PHACTR3: variants seen among roughly 807,000 people sequenced by gnomAD.
PHACTR3 encodes the protein protein phosphatase 1, regulatory subunit 123.
A neutral mutation model predicts 66.8 loss-of-function variants in PHACTR3; 16 were observed. The ratio of observed to expected loss-of-function variants is 0.24; its 90% CI spans 0.16 to 0.36. The LOEUF is 0.36. PHACTR3 is among the 10% of genes least tolerant of loss of function. The pLI, the probability that PHACTR3 is intolerant of heterozygous loss-of-function variation, is 1.00. For synonymous variants in PHACTR3, 323 were observed against 292.1 expected, an observed-to-expected ratio of 1.11 and a Z score of -1.08; for missense variants, 647 against 719.9, an observed-to-expected ratio of 0.90 and a Z score of 1.16.
chr20:59,817,667 G>T (rs573212389), intron 8 of PHACTR3, among the ~76,000 whole-genome samples: 1 of 152,230 alleles, frequency 6.6e-6, no homozygotes, highest in African/African-American at 2.4e-5. Flanking sequence ...TGCTCAAGAG[G>T]GCAGCTGTCA....
chr20:59,727,550 A>G (rs1274498809), intron 1 of PHACTR3, among the ~76,000 whole-genome samples: 2 of 151,970 alleles, frequency 1.3e-5, no homozygotes, highest in Admixed American at 1.3e-4. Context: ...GCAGGTTTGA[A>G]TCTTGAGAAT....
At chr20:59,648,882 A>C (rs2035371313) in intron 1 of PHACTR3, among the ~76,000 whole-genome samples, 1 of 152,188 alleles carries the variant, frequency 6.6e-6, no homozygotes, top group Non-Finnish European at 1.5e-5. Context: ...AGGGACTGGG[A>C]CAGCTTGGCA....
chr20:59,823,130 G>T (rs1051311759), intron 8 of PHACTR3, among the ~76,000 whole-genome samples: 5 of 152,188 alleles, frequency 3.3e-5, no homozygotes, highest in Non-Finnish European at 7.3e-5. Context: ...GGAGCATTAC[G>T]TATTCTTTCC....
chr20:59,841,452 A>C lies in PHACTR3; in HGVS notation c.1504A>C (p.Ser502Arg). 6.2e-7 allele frequency: 1 copy of C among 1,613,754 alleles called. No homozygotes were observed. Among genetic ancestry groups the C allele is most frequent in the East Asian group, 2.2e-5 (1 of 44,874 alleles). ...LRDRKILIRFSDYVEVAKAQD... is the reference protein window; with the variant it reads ...LRDRKILIRFRDYVEVAKAQD... ...AGACAGAAAAATTCTGATACGATTC[A>C]GTGATTACGTGGAAGTAGCAAAAGC... The change falls in exon 11 of 13, where the codon AGT (serine) becomes CGT (arginine). Residue 502 changes from serine to arginine, a missense_variant. Physicochemically the swap from Ser to Arg is moderately radical, Grantham distance 110 (BLOSUM62 -1). This residue lies in a region of PHACTR3 where 70 missense variants were observed against 148.8 expected (regional missense o/e 0.47). Transcript: ENST00000371015.
At chr20:59,733,637 G>T (rs1339062202) in intron 1 of PHACTR3, among the ~76,000 whole-genome samples, 2 of 152,188 alleles carry the variant, frequency 1.3e-5, no homozygotes, top group Non-Finnish European at 2.9e-5. Flanking sequence ...GTGGGGTTAA[G>T]ATCAGGGCTT....
In PHACTR3 at chr20:59,648,715, A is replaced by G. The variant is rs1039008303; in HGVS notation, c.118+43583A>G. On this transcript the variant is annotated intron_variant, in intron 1 of 12. Coordinates refer to ENST00000371015, the MANE Select transcript of PHACTR3 (RefSeq NM_080672.5). ...CTGCTCAGCAACATCCATCACTGCCATGTCCTTTTGGCACTAATTAAAGAG... is the reference window on the plus strand; with the variant it reads ...CTGCTCAGCAACATCCATCACTGCCGTGTCCTTTTGGCACTAATTAAAGAG... Among the ~76,000 whole-genome samples the G allele has an allele frequency of 2.3e-4, 35 of 152,312 alleles. 1 individual carries two copies. Among genetic ancestry groups the G allele is most frequent in the African/African-American group, 7.7e-4 (32 of 41,558 alleles).
intron 8 of PHACTR3, among the ~76,000 whole-genome samples, chr20:59,834,067 G>T (rs1394215115): frequency 2.0e-5 from 3 of 152,054 alleles, no homozygotes; most frequent in Non-Finnish European, 4.4e-5. Context: ...TACTTATTAG[G>T]ACTCCACGTT....
chr20:59,598,117 G>A (rs941163009), intron 1 of PHACTR3, among the ~76,000 whole-genome samples: 2 of 152,064 alleles, frequency 1.3e-5, no homozygotes, highest in Non-Finnish European at 2.9e-5. Context: ...GGGGCCAGTG[G>A]GGCTGCTTTC....
intron 5 of PHACTR3, 95 bp downstream of exon 5, chr20:59,767,490 T>C (rs1209436638): frequency 3.7e-6 from 5 of 1,344,728 alleles, no homozygotes; most frequent in African/African-American, 1.4e-5. Flanking sequence ...ATCTATCTAT[T>C]TATTCACCCA....
At chr20:59,728,740 T>A (rs2038654775) in intron 1 of PHACTR3, among the ~76,000 whole-genome samples, 1 of 152,106 alleles carries the variant, frequency 6.6e-6, no homozygotes, top group African/African-American at 2.4e-5. Flanking sequence ...CATTAATTCA[T>A]TCCCTGATTC....
chr20:59,704,562 CTTT>C (rs11331156), intron 1 of PHACTR3, among the ~76,000 whole-genome samples: 1,119 of 89,476 alleles, frequency 0.013, 11 homozygotes, highest in African/African-American at 0.044. Context: ...TGAGAATAGT[CTTT>C]TTTTTTTTTT....
intron 7 of PHACTR3, among the ~76,000 whole-genome samples, chr20:59,785,509 G>GAGGAGAAAC (rs1568820059): frequency 1.3e-5 from 2 of 152,234 alleles, no homozygotes; most frequent in Non-Finnish European, 2.9e-5. Context: ...GAGCTGGGGA[G>GAGGAGAAAC]TGGGGATGGT....
At chr20:59,636,717 A>T (rs1245055807) in intron 1 of PHACTR3, among the ~76,000 whole-genome samples, 1 of 152,200 alleles carries the variant, frequency 6.6e-6, no homozygotes, top group Non-Finnish European at 1.5e-5. Context: ...CCCTGGCATA[A>T]TTCCTATACT....
chr20:59,766,005 T>A (rs1162027197), intron 4 of PHACTR3, among the ~76,000 whole-genome samples: 2 of 152,044 alleles, frequency 1.3e-5, no homozygotes, highest in Non-Finnish European at 2.9e-5. Context: ...AGTGAGGGAG[T>A]GCTGGTCCCA....
At chr20:59,609,295 A>G (rs2033776364) in intron 1 of PHACTR3, among the ~76,000 whole-genome samples, 1 of 151,586 alleles carries the variant, frequency 6.6e-6, no homozygotes, top group Non-Finnish European at 1.5e-5. Context: ...CTTTTATGCC[A>G]CTCTGCCAGC....
At chr20:59,836,219 G>A in intron 8 of PHACTR3, 1 of 402,458 alleles carries the variant, frequency 2.5e-6, no homozygotes, top group Non-Finnish European at 4.4e-6. Context: ...GTCCAGACCA[G>A]GCAAGGTTTG....
chr20:59,743,097 C>T lies in PHACTR3; in HGVS notation c.119-10C>T, dbSNP rs374288842. The T allele has an allele frequency of 2.0e-5, 32 of 1,608,222 alleles. No homozygotes were observed. The highest frequency in any genetic ancestry group is 6.7e-5 in the East Asian group (3 of 44,766). On this transcript the variant is annotated splice_polypyrimidine_tract_variant and intron_variant, in intron 1 of 12. Transcript: ENST00000371015. ...GCCACTTGAGGACCCCCTTGGTTTT[C>T]GTCTTCCAGATGAGATGGACCAAAC...
intron 1 of PHACTR3, among the ~76,000 whole-genome samples, chr20:59,658,635 C>T (rs956128987): frequency 1.4e-4 from 21 of 152,122 alleles, no homozygotes; most frequent in African/African-American, 5.1e-4. Flanking sequence ...TCTCTTCTGC[C>T]TCCTTCCTTA....
At chr20:59,836,190 C>A in intron 8 of PHACTR3, 4 of 257,920 alleles carry the variant, frequency 1.6e-5, no homozygotes, top group Non-Finnish European at 1.4e-5. Context: ...GCTGCTTAAA[C>A]ACACTGCTCC....
Sources: gnomAD v4.1 joint callset for allele counts (sites outside exome capture counted in the v4.1 genomes callset) on GRCh38, gnomAD v4.1.1 for gene constraint, gnomAD v4.1.1 regional missense constraint, MANE v1.5 for transcripts, NCBI Gene and HGNC (gene_info 2026-07-23, HGNC 2026-07-21) for gene names.